The following KIF6 variants were observed in gnomAD, a reference collection of about 807,000 sequenced individuals.
KIF6 encodes the protein kinesin-like protein KIF6.
A neutral mutation model predicts 112.7 loss-of-function variants in KIF6; 106 were observed. The ratio of observed to expected loss-of-function variants is 0.94; its 90% CI spans 0.80 to 1.11. The LOEUF (loss-of-function observed/expected upper bound fraction) is 1.11, where lower values mean the gene tolerates loss of function less well. Among genes scored for constraint, KIF6 ranks in the 50% least tolerant of loss-of-function variants. The probability of loss-of-function intolerance (pLI) is 0.00; values close to 1 mark genes in which losing one functional copy is unlikely to be tolerated. For missense variants in KIF6, 929 were observed against 964.0 expected (o/e 0.96, Z 0.48); for synonymous variants, 339 against 339.9 (o/e 1.00, Z 0.03).
At chr6:39,583,850 G>T (rs1452832775) in intron 9 of KIF6, among the ~76,000 whole-genome samples, 2 of 151,666 alleles carry the variant, frequency 1.3e-5, no homozygotes, top group East Asian at 1.9e-4. Flanking sequence ...TGGCATAAAT[G>T]GATTCAGTGT....
At chr6:39,366,909 T>C (rs988645975) in intron 16 of KIF6, among the ~76,000 whole-genome samples, 12 of 151,312 alleles carry the variant, frequency 7.9e-5, no homozygotes, top group South Asian at 2.1e-4. Flanking sequence ...TTTTTTTTGC[T>C]GATCAAGACA....
chr6:39,444,502 A>G (rs1261363086), intron 13 of KIF6, among the ~76,000 whole-genome samples: 1 of 152,184 alleles, frequency 6.6e-6, no homozygotes, highest in African/African-American at 2.4e-5. Context: ...TCTGTTAACA[A>G]GTACTGAGAA....
intron 13 of KIF6, among the ~76,000 whole-genome samples, chr6:39,522,747 C>A (rs1582042161): frequency 6.6e-6 from 1 of 152,222 alleles, no homozygotes; most frequent in East Asian, 1.9e-4. Flanking sequence ...AGATCTTGCT[C>A]TCTTGCCCAG....
At chr6:39,551,572 C>T (rs1013144929) in intron 10 of KIF6, among the ~76,000 whole-genome samples, 1 of 152,032 alleles carries the variant, frequency 6.6e-6, no homozygotes, top group African/African-American at 2.4e-5. Context: ...GATTATTACA[C>T]ATTATACGTT....
intron 5 of KIF6, among the ~76,000 whole-genome samples, chr6:39,625,621 G>A (rs1784052270): frequency 6.6e-6 from 1 of 152,084 alleles, no homozygotes; most frequent in African/African-American, 2.4e-5. Flanking sequence ...ATAGGCCTAG[G>A]AGTCCCCTCA....
chr6:39,664,612 C>T (rs564933077), intron 3 of KIF6, among the ~76,000 whole-genome samples: 58 of 152,244 alleles, frequency 3.8e-4, no homozygotes, highest in Middle Eastern at 3.4e-3. Flanking sequence ...GCTTGAAGTA[C>T]AGGAGATCTG....
chr6:39,591,519 AT>A (rs1781953046), intron 7 of KIF6, among the ~76,000 whole-genome samples: 1 of 152,224 alleles, frequency 6.6e-6, no homozygotes, highest in Admixed American at 6.5e-5. Flanking sequence ...ACTCAGTGAT[AT>A]GGAAGGAAAT....
In KIF6 at chr6:39,397,232, G is replaced by A. The variant is rs72850615; in HGVS notation, c.1811-11560C>T. 8.8e-3 allele frequency among the ~76,000 whole-genome samples: 1,336 copies of A among 152,164 alleles called. 7 individuals carry two copies. The highest frequency in any genetic ancestry group is 0.037 in the Middle Eastern group (11 of 294). ...TTAGTAATGGGGTCTTCCATATTCC[G>A]TTATAGTCAAATATGATTGATTTCT... On this transcript the variant is annotated intron_variant, in intron 15 of 22. Transcript: ENST00000287152.
chr6:39,707,591 T>C (rs539858556), intron 3 of KIF6, among the ~76,000 whole-genome samples: 2 of 152,304 alleles, frequency 1.3e-5, no homozygotes, highest in East Asian at 3.9e-4. Flanking sequence ...ACTTTCAGAG[T>C]CATGTTTCTT....
chr6:39,346,301 T>C (rs986441283), intron 20 of KIF6, 175 bp downstream of exon 20: 1 of 694,154 alleles, frequency 1.4e-6, no homozygotes, highest in African/African-American at 1.8e-5. Context: ...TAATCTCCAA[T>C]GTAATGGTAG....
At chr6:39,526,572 C>T (rs1777741199) in intron 13 of KIF6, among the ~76,000 whole-genome samples, 1 of 152,206 alleles carries the variant, frequency 6.6e-6, no homozygotes, top group Non-Finnish European at 1.5e-5. Flanking sequence ...CGTGTACTTA[C>T]TCACTCTCAT....
chr6:39,692,834 A>AT (rs141127778), intron 3 of KIF6, among the ~76,000 whole-genome samples: 7 of 151,656 alleles, frequency 4.6e-5, no homozygotes, highest in Non-Finnish European at 7.4e-5. Flanking sequence ...TATCCTCCAT[A>AT]TTTTTTTTTC....
intron 1 of KIF6, 88 bp downstream of exon 1, chr6:39,725,157 A>G: frequency 1.7e-6 from 2 of 1,146,412 alleles, no homozygotes; most frequent in Non-Finnish European, 2.5e-6. Flanking sequence ...CAAGCCCCTC[A>G]CCTCCGCCCA....
chr6:39,408,349 C>G (rs1412550804), intron 15 of KIF6, among the ~76,000 whole-genome samples: 1 of 152,144 alleles, frequency 6.6e-6, no homozygotes, highest in African/African-American at 2.4e-5. Flanking sequence ...TATACTGTTG[C>G]TCCCCCTAAT....
At chr6:39,707,828 T>G (rs563260603) in intron 3 of KIF6, among the ~76,000 whole-genome samples, 1 of 152,352 alleles carries the variant, frequency 6.6e-6, no homozygotes, top group African/African-American at 2.4e-5. Context: ...TTGGTGTTAT[T>G]AGCATCCCCT....
At chr6:39,463,757 T>C (rs1773620823) in intron 13 of KIF6, among the ~76,000 whole-genome samples, 1 of 152,216 alleles carries the variant, frequency 6.6e-6, no homozygotes, top group Non-Finnish European at 1.5e-5. Flanking sequence ...AGTTGTCTTT[T>C]ATTAAATAAA....
chr6:39,573,824 T>A (rs1780775057), intron 10 of KIF6, among the ~76,000 whole-genome samples: 1 of 152,254 alleles, frequency 6.6e-6, no homozygotes, highest in East Asian at 1.9e-4. Context: ...CTTGTGCTCA[T>A]GTCTGTCACC....
chr6:39,656,598 A>C (rs1163336295), intron 3 of KIF6, among the ~76,000 whole-genome samples: 1 of 152,196 alleles, frequency 6.6e-6, no homozygotes, highest in African/African-American at 2.4e-5. Flanking sequence ...CTAGCTGTTT[A>C]ACCTGTCTAC....
At chr6:39,383,934 C>T (rs1231316816) in intron 16 of KIF6, among the ~76,000 whole-genome samples, 1 of 152,080 alleles carries the variant, frequency 6.6e-6, no homozygotes, top group Non-Finnish European at 1.5e-5. Flanking sequence ...GGGTTGCATT[C>T]TTGATTGTCA....
Sources: allele counts gnomAD v4.1 joint callset (sites outside exome capture counted in the v4.1 genomes callset), GRCh38; gene constraint gnomAD v4.1.1; transcripts MANE v1.5; gene names NCBI Gene and HGNC (gene_info 2026-07-23, HGNC 2026-07-21).